GRIK4: variants seen among roughly 807,000 people sequenced by gnomAD.
GRIK4 encodes glutamate ionotropic receptor kainate type subunit 4.
In GRIK4, 40 loss-of-function variants were observed where a neutral mutation model predicts 104.9. That is an observed-to-expected ratio of 0.38 (90% CI 0.30 to 0.50). The LOEUF (loss-of-function observed/expected upper bound fraction) is 0.50, where lower values mean the gene tolerates loss of function less well. Ranked by LOEUF, GRIK4 falls within the 20% of genes least tolerant of loss-of-function variation. The pLI is 0.93. For synonymous variants in GRIK4, 485 were observed against 524.9 expected (o/e 0.92, Z 1.04); for missense variants, 1,047 against 1,308.1 (o/e 0.80, Z 3.08).
At chr11:120,816,008 G>C (rs1262539093) in intron 5 of GRIK4, among the ~76,000 whole-genome samples, 1 of 152,168 alleles carries the variant, frequency 6.6e-6, no homozygotes, top group African/African-American at 2.4e-5. Flanking sequence ...ACCAGTTCCA[G>C]TGTTTGCTTC....
intron 9 of GRIK4, among the ~76,000 whole-genome samples, chr11:120,866,988 A>G (rs1954435840): frequency 6.6e-6 from 1 of 152,096 alleles, no homozygotes; most frequent in South Asian, 2.1e-4. Context: ...CCTTTTGGAC[A>G]AGTGGGGAAA....
At chr11:120,970,017 C>T (rs1481259380) in intron 19 of GRIK4, among the ~76,000 whole-genome samples, 2 of 152,170 alleles carry the variant, frequency 1.3e-5, no homozygotes, top group Non-Finnish European at 2.9e-5. Context: ...TCATTTGCTT[C>T]TGTGGTCCTA....
chr11:120,731,727 C>T (rs1056924539), intron 3 of GRIK4, among the ~76,000 whole-genome samples: 4 of 151,914 alleles, frequency 2.6e-5, no homozygotes, highest in African/African-American at 7.2e-5. Flanking sequence ...ATTATGGTTT[C>T]GATCTCATTA....
At chr11:120,646,527 A>G (rs968145158) in intron 1 of GRIK4, among the ~76,000 whole-genome samples, 2 of 152,168 alleles carry the variant, frequency 1.3e-5, no homozygotes, top group African/African-American at 2.4e-5. Flanking sequence ...TTTTTTTGCT[A>G]GCATTGATAT....
At chr11:120,574,672 A>T (rs1459821203) in intron 1 of GRIK4, among the ~76,000 whole-genome samples, 2 of 152,144 alleles carry the variant, frequency 1.3e-5, no homozygotes, top group Admixed American at 6.5e-5. Context: ...GGTGCCAGGC[A>T]CTCAGCTGGT....
chr11:120,805,674 C>T (rs1341546445), intron 4 of GRIK4, among the ~76,000 whole-genome samples: 1 of 152,204 alleles, frequency 6.6e-6, no homozygotes, highest in Admixed American at 6.5e-5. Context: ...AGCCAGAGTG[C>T]CCCTCCACAG....
At chr11:120,574,970 A>G (rs932339035) in intron 1 of GRIK4, among the ~76,000 whole-genome samples, 2 of 152,216 alleles carry the variant, frequency 1.3e-5, no homozygotes, top group African/African-American at 4.8e-5. Context: ...ACTAAAGACT[A>G]TATCTTCTGC....
intron 3 of GRIK4, among the ~76,000 whole-genome samples, chr11:120,709,260 G>T (rs1441338446): frequency 1.3e-5 from 2 of 151,758 alleles, no homozygotes; most frequent in Non-Finnish European, 2.9e-5. Flanking sequence ...CATCTAGAAT[G>T]CTCATTCTAG....
intron 8 of GRIK4, among the ~76,000 whole-genome samples, chr11:120,844,569 A>T (rs764126694): frequency 6.6e-6 from 1 of 152,160 alleles, no homozygotes; most frequent in Non-Finnish European, 1.5e-5. Flanking sequence ...AAGATAAGTC[A>T]TCTCTTTAGA....
intron 3 of GRIK4, among the ~76,000 whole-genome samples, chr11:120,757,700 G>A (rs2135434522): frequency 6.6e-6 from 1 of 152,286 alleles, no homozygotes; most frequent in African/African-American, 2.4e-5. Flanking sequence ...TGGGCATGGA[G>A]CCACCAGTTC....
At chr11:120,785,513 C>G (rs1337693017) in intron 3 of GRIK4, among the ~76,000 whole-genome samples, 2 of 152,216 alleles carry the variant, frequency 1.3e-5, no homozygotes, top group South Asian at 4.1e-4. Context: ...GGACTTTACT[C>G]ATACATTTTG....
At chr11:120,726,818 G>A (rs1258900459) in intron 3 of GRIK4, among the ~76,000 whole-genome samples, 5 of 151,974 alleles carry the variant, frequency 3.3e-5, no homozygotes, top group Admixed American at 6.5e-5. Flanking sequence ...AGCAGCAGTG[G>A]TGGCAGCATG....
intron 19 of GRIK4, among the ~76,000 whole-genome samples, chr11:120,975,190 T>C (rs1379057793): frequency 6.6e-6 from 1 of 152,192 alleles, no homozygotes; most frequent in African/African-American, 2.4e-5. Context: ...ACAGGAAGTT[T>C]GCTGTCTGGC....
chr11:120,714,925 G>A (rs1041743993), intron 3 of GRIK4, among the ~76,000 whole-genome samples: 1 of 152,138 alleles, frequency 6.6e-6, no homozygotes, highest in Non-Finnish European at 1.5e-5. Flanking sequence ...AGGCAAGGAG[G>A]GACATGATCA....
chr11:120,726,163 G>A (rs1242186289), intron 3 of GRIK4, among the ~76,000 whole-genome samples: 1 of 152,180 alleles, frequency 6.6e-6, no homozygotes, highest in Non-Finnish European at 1.5e-5. Context: ...GATGACCAGA[G>A]GTCAGGAACA....
At position 120,940,094 on chromosome 11, in the gene GRIK4, C is replaced by A. The variant is rs1223771114; in HGVS notation, c.1477-253C>A. On this transcript the variant is annotated intron_variant, in intron 13 of 20. Coordinates refer to ENST00000527524, the MANE Select transcript of GRIK4 (RefSeq NM_014619.5). The surrounding 1 kb of genome is among the most constrained non-coding windows in gnomAD (Gnocchi z 4.3). Reference sequence around the variant, plus strand: ...GTCTCTGAACAGTCTGGTAGTGATACCCCCTGTTTTTAAAATTATTTATGT... The same window carrying A: ...GTCTCTGAACAGTCTGGTAGTGATAACCCCTGTTTTTAAAATTATTTATGT... Among the ~76,000 whole-genome samples the A allele has an allele frequency of 1.3e-5, 2 of 151,362 alleles. No homozygotes were observed. The highest frequency in any genetic ancestry group is 2.9e-5 in the Non-Finnish European group (2 of 68,032).
intron 13 of GRIK4, among the ~76,000 whole-genome samples, chr11:120,917,247 C>CAAAAAAAAAAAA (rs199620498): frequency 2.6e-4 from 9 of 34,750 alleles, no homozygotes; most frequent in Admixed American, 3.8e-4. Context: ...AACTCCGTCT[C>CAAAAAAAAAAAA]AAAAAAAAAA....
At chr11:120,919,324 C>G (rs78621482) in intron 13 of GRIK4, among the ~76,000 whole-genome samples, 7,502 of 152,226 alleles carry the variant, frequency 0.049, 242 homozygotes, top group African/African-American at 0.071. Context: ...ATCACTTAGA[C>G]CATGGGAAGG....
intron 9 of GRIK4, chr11:120,868,978 A>C (rs1954517634): frequency 2.0e-5 from 3 of 152,174 alleles, no homozygotes; most frequent in Admixed American, 2.0e-4. Flanking sequence ...CGGAGGGAAA[A>C]AACAATTAGG....
Sources: allele counts gnomAD v4.1 joint callset (sites outside exome capture counted in the v4.1 genomes callset), GRCh38; gene constraint gnomAD v4.1.1; non-coding constraint Gnocchi (gnomAD v3.1); transcripts MANE v1.5; gene names NCBI Gene and HGNC (gene_info 2026-07-23, HGNC 2026-07-21).